PALS1: variants seen among roughly 807,000 people sequenced by gnomAD.
PALS1 encodes the protein protein associated with LIN7 1, MAGUK p55 family member, also known as protein PALS1.
A neutral mutation model predicts 78.9 loss-of-function variants in PALS1; 31 were observed. That is an observed-to-expected ratio of 0.39 (90% CI 0.30 to 0.53). The LOEUF (loss-of-function observed/expected upper bound fraction) is 0.53, where lower values mean the gene tolerates loss of function less well. Ranked by LOEUF, PALS1 falls within the 20% of genes least tolerant of loss-of-function variation. The pLI is 0.67. For missense variants in PALS1, 704 were observed against 826.5 expected, an observed-to-expected ratio of 0.85 and a Z score of 1.82; for synonymous variants, 276 against 270.9, an observed-to-expected ratio of 1.02 and a Z score of -0.18.
intron 8 of PALS1, among the ~76,000 whole-genome samples, chr14:67,307,151 T>C (rs749113391): frequency 1.3e-5 from 2 of 152,196 alleles, no homozygotes; most frequent in Non-Finnish European, 2.9e-5. Context: ...GCAAGAGTCT[T>C]GGCACCTCTG....
chr14:67,281,799 C>A (rs888584135), intron 3 of PALS1, among the ~76,000 whole-genome samples: 3 of 147,654 alleles, frequency 2.0e-5, no homozygotes, highest in African/African-American at 7.8e-5. Flanking sequence ...AATTGGACAT[C>A]ATTTCTCTTA....
At chr14:67,296,452 T>A (rs2140857020) in intron 4 of PALS1, among the ~76,000 whole-genome samples, 1 of 151,386 alleles carries the variant, frequency 6.6e-6, no homozygotes, top group Non-Finnish European at 1.5e-5. Context: ...TACAAAAAAA[T>A]TAGGCGGGTG....
intron 2 of PALS1, among the ~76,000 whole-genome samples, chr14:67,275,905 C>T (rs771000488): frequency 3.9e-5 from 6 of 152,080 alleles, no homozygotes; most frequent in Non-Finnish European, 5.9e-5. Flanking sequence ...ACTTTATTTG[C>T]GTAGAGGTGT....
Position 67,292,784 on chromosome 14 carries a change from A to G in PALS1, c.576+65A>G. On this transcript the variant is annotated intron_variant, in intron 4 of 14. Coordinates refer to ENST00000261681, the MANE Select transcript of PALS1 (RefSeq NM_022474.4). The stretch of plus-strand genomic sequence containing the variant: ...TTAGTAGTGGCAGGAAGGCAGGATT[A>G]TTGGAAAATACTAATGTGACTATAA... 16 of 1,237,940 alleles carry G rather than the reference A, an allele frequency of 1.3e-5. No individual in the cohort carries two copies. In the Admixed American group the frequency reaches 2.4e-4, roughly 19 times the overall value. The allele number at this position is 1,237,940 out of a possible 1,614,324, so 76.7% of individuals were successfully genotyped here. A position where few individuals can be genotyped will look rare whatever the true frequency, so the allele number is the denominator to read the frequency against.
At chr14:67,314,085 G>C (rs965350092) in intron 9 of PALS1, among the ~76,000 whole-genome samples, 1 of 151,614 alleles carries the variant, frequency 6.6e-6, no homozygotes, top group African/African-American at 2.4e-5. Context: ...CTTTTTTAGC[G>C]ATCATCCCTC....
intron 1 of PALS1, among the ~76,000 whole-genome samples, chr14:67,247,618 C>T (rs781295742): frequency 9.9e-5 from 15 of 152,006 alleles, no homozygotes; most frequent in Non-Finnish European, 2.1e-4. Flanking sequence ...CTCACTCTAT[C>T]CCCAGGCTAA....
chr14:67,293,842 G>C (rs1595592102), intron 4 of PALS1, among the ~76,000 whole-genome samples: 1 of 152,292 alleles, frequency 6.6e-6, no homozygotes, highest in South Asian at 2.1e-4. Flanking sequence ...GGTTTGTCCA[G>C]CTGGCTACTG....
intron 4 of PALS1, among the ~76,000 whole-genome samples, chr14:67,293,236 C>T (rs887850934): frequency 6.6e-6 from 1 of 151,960 alleles, no homozygotes; most frequent in Non-Finnish European, 1.5e-5. Flanking sequence ...ATTCTTGTTT[C>T]TGATGCTAAC....
chr14:67,323,099 GT>G (rs374750084), intron 13 of PALS1, among the ~76,000 whole-genome samples: 1 of 151,876 alleles, frequency 6.6e-6, no homozygotes, highest in African/African-American at 2.4e-5. Flanking sequence ...AAAACTAGGT[GT>G]TTTAATATCA....
intron 4 of PALS1, among the ~76,000 whole-genome samples, chr14:67,299,813 C>T (rs550109244): frequency 1.7e-4 from 26 of 152,208 alleles, no homozygotes; most frequent in African/African-American, 5.3e-4. Context: ...ATCTCTAATA[C>T]GGAAAATTAT....
At chr14:67,301,511 C>A (rs753645820) in intron 5 of PALS1, 45 bp downstream of exon 5, 1 of 1,418,476 alleles carries the variant, frequency 7.0e-7, no homozygotes, top group South Asian at 1.3e-5. Context: ...TTCCAGCATT[C>A]TTCTATTTTT....
At chr14:67,330,712 C>G (rs2085435077) in intron 14 of PALS1, among the ~76,000 whole-genome samples, 1 of 151,856 alleles carries the variant, frequency 6.6e-6, no homozygotes, top group South Asian at 2.1e-4. Flanking sequence ...CCTGCCTCAG[C>G]CTTCCAAAGT....
intron 1 of PALS1, among the ~76,000 whole-genome samples, chr14:67,257,112 T>TA (rs2084157537): frequency 6.6e-6 from 1 of 152,180 alleles, no homozygotes. Context: ...TTTCAGTTGA[T>TA]AAGAGTTAGC....
intron 14 of PALS1, among the ~76,000 whole-genome samples, chr14:67,324,527 C>T (rs1595618566): frequency 6.6e-6 from 1 of 152,208 alleles, no homozygotes; most frequent in Middle Eastern, 3.4e-3. Context: ...TAAAGATAGT[C>T]ATTAAAAGCA....
intron 3 of PALS1, among the ~76,000 whole-genome samples, chr14:67,284,433 A>AAAAAAAAAC (rs932047798): frequency 6.8e-6 from 1 of 148,062 alleles, no homozygotes; most frequent in Admixed American, 6.7e-5. Context: ...ATCTCTTAAA[A>AAAAAAAAAC]AAAAAAAAAA....
intron 14 of PALS1, among the ~76,000 whole-genome samples, chr14:67,326,731 T>A (rs1056689421): frequency 6.6e-6 from 1 of 152,254 alleles, no homozygotes; most frequent in African/African-American, 2.4e-5. Flanking sequence ...ATGCCGTTTG[T>A]TAAAGTTTGT....
rs1338527791 is a variant in PALS1 at position 67,333,975 on chromosome 14, G to C, written c.*1019G>C. 2 of 152,538 alleles carry C rather than the reference G, an allele frequency of 1.3e-5. No homozygotes were observed. Among genetic ancestry groups the C allele is most frequent in the Non-Finnish European group, 2.9e-5 (2 of 68,022 alleles). The allele number at this position is 152,538 out of a possible 1,614,324, so 9.4% of individuals were successfully genotyped here. The stretch of plus-strand genomic sequence containing the variant: ...AATTCTGTTGATGAATATAGCTGCT[G>C]TACTGTATATTAATATTTAATAGAT... On this transcript the variant is annotated 3_prime_UTR_variant, in exon 15 of 15. Transcript: ENST00000261681.
intron 14 of PALS1, among the ~76,000 whole-genome samples, chr14:67,327,944 C>T (rs1463944846): frequency 2.0e-5 from 3 of 152,112 alleles, no homozygotes; most frequent in Non-Finnish European, 2.9e-5. Flanking sequence ...AGTCAATGTA[C>T]GTGTGCATGT....
At chr14:67,305,482 T>C (rs1370598956) in intron 8 of PALS1, among the ~76,000 whole-genome samples, 3 of 152,208 alleles carry the variant, frequency 2.0e-5, no homozygotes, top group Non-Finnish European at 4.4e-5. Flanking sequence ...GCTTTCACTA[T>C]GTTGCCCAGG....
Sources: gnomAD v4.1 joint callset for allele counts (sites outside exome capture counted in the v4.1 genomes callset) on GRCh38, gnomAD v4.1.1 for gene constraint, MANE v1.5 for transcripts, NCBI Gene and HGNC (gene_info 2026-07-23, HGNC 2026-07-21) for gene names.